The following POU6F2 variants were observed in gnomAD, a reference collection of about 807,000 sequenced individuals.
POU6F2 encodes the protein POU class 6 homeobox 2.
In POU6F2, 31 loss-of-function variants were observed where a neutral mutation model predicts 71.3. The ratio of observed to expected loss-of-function variants is 0.43; its 90% CI spans 0.33 to 0.59. The LOEUF (loss-of-function observed/expected upper bound fraction) is 0.59, where lower values mean the gene tolerates loss of function less well. Among genes scored for constraint, POU6F2 ranks in the 20% least tolerant of loss-of-function variants. POU6F2 has a pLI of 0.04. For synonymous variants in POU6F2, 347 were observed against 355.7 expected, an observed-to-expected ratio of 0.98 and a Z score of 0.27; for missense variants, 783 against 856.8, an observed-to-expected ratio of 0.91 and a Z score of 1.07.
intron 2 of POU6F2, among the ~76,000 whole-genome samples, chr7:39,153,183 A>G (rs1792795772): frequency 6.6e-6 from 1 of 152,058 alleles, no homozygotes; most frequent in Non-Finnish European, 1.5e-5. Flanking sequence ...TGATGGAGAA[A>G]AGATTTTATA....
chr7:39,421,493 T>C (rs1388739309), intron 6 of POU6F2, among the ~76,000 whole-genome samples: 14 of 152,198 alleles, frequency 9.2e-5, no homozygotes, highest in Non-Finnish European at 8.8e-5. Context: ...TCTTAGAGGC[T>C]TGTTTTGTTG....
At chr7:39,325,778 G>A (rs1009302137) in intron 4 of POU6F2, among the ~76,000 whole-genome samples, 7 of 152,196 alleles carry the variant, frequency 4.6e-5, no homozygotes, top group Admixed American at 2.0e-4. Context: ...TGAATTGTCT[G>A]TAATATTTTC....
chr7:39,255,118 G>A (rs1783996169), intron 4 of POU6F2, among the ~76,000 whole-genome samples: 1 of 152,126 alleles, frequency 6.6e-6, no homozygotes, highest in Non-Finnish European at 1.5e-5. Flanking sequence ...ATATACAAAT[G>A]AAAAGTTAGT....
chr7:39,300,326 C>T (rs755388643), intron 4 of POU6F2, among the ~76,000 whole-genome samples: 2 of 152,130 alleles, frequency 1.3e-5, no homozygotes, highest in Non-Finnish European at 2.9e-5. Flanking sequence ...GTATCCAGAT[C>T]CCCGAAGACC....
intron 4 of POU6F2, among the ~76,000 whole-genome samples, chr7:39,322,259 T>C (rs779556640): frequency 6.6e-6 from 1 of 152,180 alleles, no homozygotes; most frequent in Non-Finnish European, 1.5e-5. Context: ...AACTGACCCA[T>C]GGGCCTCACT....
chr7:39,342,430 A>G (rs1017465517), intron 5 of POU6F2, among the ~76,000 whole-genome samples: 10 of 152,242 alleles, frequency 6.6e-5, no homozygotes, highest in African/African-American at 2.2e-4. Context: ...AAGATTATTA[A>G]GGGAATAAAG....
intron 4 of POU6F2, among the ~76,000 whole-genome samples, chr7:39,229,052 TG>T (rs1466553130): frequency 2.0e-5 from 3 of 152,220 alleles, no homozygotes; most frequent in Non-Finnish European, 4.4e-5. Flanking sequence ...TAGTGAGCCA[TG>T]GTTGTGGAAT....
intron 5 of POU6F2, among the ~76,000 whole-genome samples, chr7:39,400,841 T>A (rs184508224): frequency 6.6e-6 from 1 of 152,260 alleles, no homozygotes; most frequent in African/African-American, 2.4e-5. Flanking sequence ...CATTGGTGAG[T>A]CAAAGCGTTG....
chr7:39,051,663 G>A (rs1790402749), intron 1 of POU6F2, among the ~76,000 whole-genome samples: 1 of 152,030 alleles, frequency 6.6e-6, no homozygotes, highest in South Asian at 2.1e-4. Context: ...CTCAGGTGTA[G>A]CTATTCCTTT....
At chr7:39,281,320 C>T (rs1229832710) in intron 4 of POU6F2, among the ~76,000 whole-genome samples, 1 of 152,114 alleles carries the variant, frequency 6.6e-6, no homozygotes, top group Non-Finnish European at 1.5e-5. Flanking sequence ...AGAAGCCTCT[C>T]TTTTAGCTAT....
intron 4 of POU6F2, among the ~76,000 whole-genome samples, chr7:39,267,139 G>A (rs113921891): frequency 0.019 from 2,887 of 152,250 alleles, 50 homozygotes; most frequent in Middle Eastern, 0.054. Context: ...AACGGCAAAA[G>A]TCTAGAAAAC....
chr7:38,987,706 G>A lies in POU6F2; in HGVS notation c.105+9648G>A, dbSNP rs866432040. On this transcript the variant is annotated intron_variant, in intron 1 of 9. Transcript: ENST00000518318. Reference sequence around the variant, plus strand: ...ACATTATTGAAATATTCCAGAGAATGTAAAAAGTTATGTTTTACGTTTCTT... The same window carrying A: ...ACATTATTGAAATATTCCAGAGAATATAAAAAGTTATGTTTTACGTTTCTT... Among the ~76,000 whole-genome samples, 4 of 152,140 alleles carry A rather than the reference G, an allele frequency of 2.6e-5. No homozygotes were observed. In the South Asian group the frequency reaches 6.2e-4, roughly 24 times the overall value.
chr7:39,159,164 C>G (rs1177231607), intron 2 of POU6F2, among the ~76,000 whole-genome samples: 1 of 151,902 alleles, frequency 6.6e-6, no homozygotes, highest in Non-Finnish European at 1.5e-5. Flanking sequence ...GGTGACAGAG[C>G]AAGATTCTGT....
intron 2 of POU6F2, among the ~76,000 whole-genome samples, chr7:39,192,736 C>T (rs1793694181): frequency 6.6e-6 from 1 of 152,154 alleles, no homozygotes; most frequent in African/African-American, 2.4e-5. Flanking sequence ...TCCACATTCT[C>T]ACGCCTCCCC....
chr7:39,381,675 A>G (rs1195436558), intron 5 of POU6F2, among the ~76,000 whole-genome samples: 1 of 152,202 alleles, frequency 6.6e-6, no homozygotes, highest in Non-Finnish European at 1.5e-5. Flanking sequence ...ATGAGTTGCA[A>G]AAGACTGATT....
At position 39,019,748 on chromosome 7, in the gene POU6F2, A is replaced by G. The variant is rs545304553; in HGVS notation, c.105+41690A>G. On this transcript the variant is annotated intron_variant, in intron 1 of 9. Coordinates refer to ENST00000518318, the MANE Select transcript of POU6F2 (RefSeq NM_001370959.1). The stretch of plus-strand genomic sequence containing the variant: ...TCAACAATTACATTTTGAATTTTCA[A>G]AAACCTTTGCTCCTTTTATCACTGC... Among the ~76,000 whole-genome samples the G allele has an allele frequency of 7.6e-4, 116 of 152,146 alleles. 3 individuals are homozygous for G. The South Asian group carries it at 0.023, about 30-fold the overall frequency.
chr7:39,328,648 A>G (rs1785571077), intron 4 of POU6F2, among the ~76,000 whole-genome samples: 1 of 152,248 alleles, frequency 6.6e-6, no homozygotes, highest in Admixed American at 6.5e-5. Flanking sequence ...TATAATTGTC[A>G]AGGGGCGCTA....
In POU6F2 at chr7:39,026,631, A is replaced by G. The variant is rs566678157; in HGVS notation, c.105+48573A>G. ...GGGAGGAGTGGGGAGGGATAGCATT[A>G]GGAGATATACCTAATGCTAAATGAC... On this transcript the variant is annotated intron_variant, in intron 1 of 9. Coordinates refer to ENST00000518318, the MANE Select transcript of POU6F2 (RefSeq NM_001370959.1). 3.0e-3 allele frequency among the ~76,000 whole-genome samples: 459 copies of G among 152,202 alleles called. 1 individual carries two copies. Among genetic ancestry groups the G allele is most frequent in the African/African-American group, 8.5e-3 (351 of 41,520 alleles).
In POU6F2 at chr7:39,339,688, CCAGCAGCAGCAGCAG is replaced by C. The variant is rs751710078; in HGVS notation, c.662_676del (p.Gln221_Gln225del). 298 of 1,597,882 alleles carry C rather than the reference CCAGCAGCAGCAGCAG, an allele frequency of 1.9e-4. No homozygotes were observed. Among genetic ancestry groups the C allele is most frequent in the Non-Finnish European group, 2.3e-4 (271 of 1,175,010 alleles). On this transcript the variant is annotated inframe_deletion, in exon 5 of 10. Coordinates refer to ENST00000518318, the MANE Select transcript of POU6F2 (RefSeq NM_001370959.1). ...AGCTCCAGCAGCTCCAGCTCCAGCT[CCAGCAGCAGCAGCAG>C]CAGCAGCAGCAGCAGCCTCCCCCGT...
Sources: gnomAD v4.1 joint callset for allele counts (sites outside exome capture counted in the v4.1 genomes callset) on GRCh38, gnomAD v4.1.1 for gene constraint, MANE v1.5 for transcripts, NCBI Gene and HGNC (gene_info 2026-07-23, HGNC 2026-07-21) for gene names.